The following FYTTD1 variants were observed in gnomAD, a reference collection of about 807,000 sequenced individuals.
FYTTD1 encodes forty-two-three domain containing 1.
A neutral mutation model predicts 40.9 loss-of-function variants in FYTTD1; 22 were observed. That is an observed-to-expected ratio of 0.54 (90% confidence interval 0.38 to 0.77). The LOEUF (loss-of-function observed/expected upper bound fraction) is 0.77, where lower values mean the gene tolerates loss of function less well. Among genes scored for constraint, FYTTD1 ranks in the 30% least tolerant of loss-of-function variants. FYTTD1 has a pLI of 0.00. For synonymous variants in FYTTD1, 140 were observed against 137.9 expected (o/e 1.01, Z -0.10); for missense variants, 351 against 392.2 (o/e 0.90, Z 0.89).
rs1271415992 is a variant in FYTTD1 at position 197,786,077 on chromosome 3, A to G, written c.*4168A>G. 6.8e-6 allele frequency: 1 copy of G among 147,216 alleles called. No homozygotes were observed. Among genetic ancestry groups the G allele is most frequent in the Non-Finnish European group, 1.5e-5 (1 of 66,244 alleles). The allele number at this position is 147,216 out of a possible 1,614,324, so 9.1% of individuals were successfully genotyped here. A position where few individuals can be genotyped will look rare whatever the true frequency, so the allele number is the denominator to read the frequency against. Reference sequence around the variant, plus strand: ...AATATCTTTTATTTCCCTTCTCACCACAGTTTATTTTCTTTTTTCTTTTTC... The same window carrying G: ...AATATCTTTTATTTCCCTTCTCACCGCAGTTTATTTTCTTTTTTCTTTTTC... On this transcript the variant is annotated 3_prime_UTR_variant, in exon 9 of 9. Coordinates refer to ENST00000241502, the MANE Select transcript of FYTTD1 (RefSeq NM_032288.7).
chr3:197,754,252 A>G (rs750914692), intron 1 of FYTTD1, among the ~76,000 whole-genome samples: 1 of 152,112 alleles, frequency 6.6e-6, no homozygotes, highest in Non-Finnish European at 1.5e-5. Flanking sequence ...ATTGAGATAC[A>G]TGTTTATATA....
upstream of FYTTD1, chr3:197,749,661 T>C: frequency 1.3e-6 from 1 of 772,538 alleles, no homozygotes; most frequent in East Asian, 4.5e-5. Flanking sequence ...GTGCCCGCGG[T>C]CTAGCATCCC....
At chr3:197,752,530 A>G (rs1021045067) in intron 1 of FYTTD1, among the ~76,000 whole-genome samples, 2 of 151,996 alleles carry the variant, frequency 1.3e-5, no homozygotes, top group Non-Finnish European at 1.5e-5. Flanking sequence ...GTCTGTATAT[A>G]TGCCTTTATT....
chr3:197,776,192 A>G (rs1344619794), intron 6 of FYTTD1, among the ~76,000 whole-genome samples: 1 of 151,428 alleles, frequency 6.6e-6, no homozygotes, highest in Non-Finnish European at 1.5e-5. Flanking sequence ...CTAAATCTTT[A>G]TTCATCATAG....
intron 1 of FYTTD1, among the ~76,000 whole-genome samples, chr3:197,756,032 A>G (rs1366319371): frequency 6.6e-6 from 1 of 151,552 alleles, no homozygotes; most frequent in Non-Finnish European, 1.5e-5. Flanking sequence ...AGGTAGGAAA[A>G]TGGAGGCTTC....
intron 3 of FYTTD1, 24 bp from the exon 4 acceptor site, chr3:197,770,108 A>T (rs955458773): frequency 2.2e-6 from 3 of 1,375,730 alleles, no homozygotes; most frequent in Non-Finnish European, 3.1e-6. Flanking sequence ...AATTTGATTA[A>T]CATAATTTCT....
intron 4 of FYTTD1, 32 bp downstream of exon 4, chr3:197,770,276 T>TTGA: frequency 7.4e-7 from 1 of 1,353,888 alleles, no homozygotes; most frequent in Non-Finnish European, 1.0e-6. Flanking sequence ...TGTGTTATTT[T>TTGA]GCATTAAAAA....
intron 2 of FYTTD1, among the ~76,000 whole-genome samples, chr3:197,767,792 A>G (rs1244124993): frequency 6.6e-6 from 1 of 152,210 alleles, no homozygotes; most frequent in African/African-American, 2.4e-5. Flanking sequence ...GTAATGGAAA[A>G]CCAAAGTTGG....
At chr3:197,752,198 A>G (rs1247737606) in intron 1 of FYTTD1, among the ~76,000 whole-genome samples, 1 of 152,176 alleles carries the variant, frequency 6.6e-6, no homozygotes, top group African/African-American at 2.4e-5. Context: ...TATCCTCATG[A>G]TAAGTCTGTG....
chr3:197,753,068 C>G (rs1173856970), intron 1 of FYTTD1, among the ~76,000 whole-genome samples: 1 of 152,156 alleles, frequency 6.6e-6, no homozygotes, highest in African/African-American at 2.4e-5. Context: ...TGATATCTTT[C>G]TTTCCCCCAG....
At chr3:197,750,401 C>T (rs1233718360) in intron 1 of FYTTD1, 1 of 1,060,716 alleles carries the variant, frequency 9.4e-7, no homozygotes, top group Non-Finnish European at 1.1e-6. Flanking sequence ...CGGCTCGCCG[C>T]TCGCCGGCTC....
In FYTTD1 at chr3:197,768,547, A is replaced by G; in HGVS notation, c.344A>G (p.Lys115Arg). Residue 115 changes from lysine (K) to arginine (R), a missense_variant, in exon 3 of 9, where the codon AAA becomes AGA. Transcript: ENST00000241502. ...GCTAGGAAAACGACTGGAATTCGAA[A>G]AGGAATTAGTCCTATGAATCGTCCA... ...LAARKTTGIR[K>R]GISPMNRPPL... 1 of 1,613,874 alleles carries G rather than the reference A, an allele frequency of 6.2e-7. No homozygotes were observed.
chr3:197,753,334 C>T (rs996362544), intron 1 of FYTTD1, among the ~76,000 whole-genome samples: 3 of 152,188 alleles, frequency 2.0e-5, no homozygotes, highest in African/African-American at 7.2e-5. Flanking sequence ...ATTTGAAAAT[C>T]GGTGTTATGG....
chr3:197,778,457 GA>G lies in FYTTD1; in HGVS notation c.855del (p.Lys285AsnfsTer5). On this transcript the variant is annotated frameshift_variant, in exon 8 of 9. Transcript: ENST00000241502. LOFTEE classifies it high-confidence loss of function. Reference sequence around the variant, plus strand: ...CTGCAGTTTGACATAAACAGTGTCGGAAAACAGGTAAAAAAACGTTTTCTGT... The same window carrying G: ...CTGCAGTTTGACATAAACAGTGTCGGAAACAGGTAAAAAAACGTTTTCTGT... ...VPLQFDINSVGKQTGMTLNER... is the reference protein window; with the variant it reads ...VPLQFDINSVXKQTGMTLNER... 6.3e-7 allele frequency: 1 copy of G among 1,597,702 alleles called. No individual in the cohort carries two copies. Among genetic ancestry groups the G allele is most frequent in the Admixed American group, 1.7e-5 (1 of 57,224 alleles).
At chr3:197,769,148 T>G (rs1326331360) in intron 3 of FYTTD1, among the ~76,000 whole-genome samples, 1 of 151,950 alleles carries the variant, frequency 6.6e-6, no homozygotes, top group Non-Finnish European at 1.5e-5. Flanking sequence ...AGTGCAGTGG[T>G]GCAATCTCGG....
chr3:197,773,352 T>C (rs1397570308), intron 4 of FYTTD1, 51 bp from the exon 5 acceptor site: 2 of 1,085,236 alleles, frequency 1.8e-6, no homozygotes, highest in Non-Finnish European at 2.8e-6. Flanking sequence ...TTCCTCAAGA[T>C]GTTTGAAAGT....
chr3:197,759,007 A>G (rs1364507894), intron 2 of FYTTD1, among the ~76,000 whole-genome samples: 1 of 152,380 alleles, frequency 6.6e-6, no homozygotes, highest in East Asian at 1.9e-4. Flanking sequence ...GGTAGAGCGT[A>G]TAGAGTTGTT....
intron 2 of FYTTD1, chr3:197,763,346 G>A (rs1729445421): frequency 7.8e-6 from 2 of 256,728 alleles, no homozygotes; most frequent in South Asian, 3.5e-5. Flanking sequence ...CTGGGGAGGC[G>A]GAGGTTGCGG....
At chr3:197,773,373 C>G in intron 4 of FYTTD1, 30 bp from the exon 5 acceptor site, 1 of 1,353,054 alleles carries the variant, frequency 7.4e-7, no homozygotes, top group Non-Finnish European at 1.0e-6. Flanking sequence ...AGTTAAATGG[C>G]TTAGCATGGC....
Sources: gnomAD v4.1 joint callset for allele counts (sites outside exome capture counted in the v4.1 genomes callset) on GRCh38, gnomAD v4.1.1 for gene constraint, MANE v1.5 for transcripts, NCBI Gene and HGNC (gene_info 2026-07-23, HGNC 2026-07-21) for gene names.